RFPL1: variants seen among roughly 807,000 people sequenced by gnomAD.
The protein encoded by RFPL1 is ret finger protein like 1.
Under a neutral mutation model 9.6 loss-of-function variants are expected in RFPL1, and 6 were observed. That is an observed-to-expected ratio of 0.62 (90% CI 0.34 to 1.23). The LOEUF (loss-of-function observed/expected upper bound fraction) is 1.23, where lower values mean the gene tolerates loss of function less well. Ranked by LOEUF, RFPL1 falls within the 50% of genes most tolerant of loss-of-function variation. The probability of loss-of-function intolerance (pLI) is 0.03; values close to 1 mark genes in which losing one functional copy is unlikely to be tolerated. For missense variants in RFPL1, 352 were observed against 398.4 expected (o/e 0.88, Z 0.99); for synonymous variants, 145 against 149.4 (o/e 0.97, Z 0.22).
chr22:29,395,842 G>A, the RFPL1 span, among the ~76,000 whole-genome samples: 1 of 152,164 alleles, frequency 6.6e-6, no homozygotes, highest in South Asian at 2.1e-4. Context: ...GGATGGTGGT[G>A]AGTGCCTGTA....
chr22:29,414,197 T>C, the RFPL1 span, among the ~76,000 whole-genome samples: 1 of 148,204 alleles, frequency 6.7e-6, no homozygotes, highest in Non-Finnish European at 1.5e-5. Context: ...ACAAGAATTT[T>C]CCATATAACA....
At chr22:29,409,130 G>A in the RFPL1 span, among the ~76,000 whole-genome samples, 1,763 of 151,812 alleles carry the variant, frequency 0.012, 39 homozygotes, top group African/African-American at 0.041. Flanking sequence ...CCCATTTAAA[G>A]TACGTGATTC....
At chr22:29,433,152 G>A in the RFPL1 span, among the ~76,000 whole-genome samples, 2 of 151,912 alleles carry the variant, frequency 1.3e-5, no homozygotes, top group South Asian at 4.2e-4. Context: ...AATTAGCCGG[G>A]TGCTGTGGCA....
At chr22:29,410,418 G>GATATATATATCTACA in the RFPL1 span, among the ~76,000 whole-genome samples, 1 of 76,016 alleles carries the variant, frequency 1.3e-5, no homozygotes, top group African/African-American at 5.6e-5. Context: ...TATATATATA[G>GATATATATATCTACA]ATATATATAT....
intron 1 of RFPL1, 153 bp downstream of exon 1, chr22:29,439,317 T>A: frequency 8.6e-7 from 1 of 1,165,826 alleles, no homozygotes; most frequent in South Asian, 1.5e-5. Flanking sequence ...CCTGACAACA[T>A]ACAGAATCAC....
At chr22:29,405,176 T>C in the RFPL1 span, among the ~76,000 whole-genome samples, 5 of 152,164 alleles carry the variant, frequency 3.3e-5, no homozygotes, top group African/African-American at 1.2e-4. Flanking sequence ...TAGGCAAGTC[T>C]GAGAACTGAG....
At chr22:29,424,423 C>T in the RFPL1 span, among the ~76,000 whole-genome samples, 1 of 152,042 alleles carries the variant, frequency 6.6e-6, no homozygotes, top group Admixed American at 6.6e-5. Context: ...ACCCACATTA[C>T]CTCATTTAAT....
chr22:29,431,081 A>G, the RFPL1 span, among the ~76,000 whole-genome samples: 1 of 152,150 alleles, frequency 6.6e-6, no homozygotes, highest in African/African-American at 2.4e-5. Flanking sequence ...AGGCTCTTGT[A>G]ATAAAAACCC....
chr22:29,437,260 CT>C (rs1336370522), upstream of RFPL1: 4 of 172,982 alleles, frequency 2.3e-5, no homozygotes, highest in Admixed American at 2.4e-4. Flanking sequence ...ATGCATGCCC[CT>C]ATTACCTTTG....
At chr22:29,416,812 T>A in the RFPL1 span, among the ~76,000 whole-genome samples, 2 of 152,162 alleles carry the variant, frequency 1.3e-5, no homozygotes, top group African/African-American at 4.8e-5. Flanking sequence ...ATACTGAGGT[T>A]CATAAATGTC....
the RFPL1 span, among the ~76,000 whole-genome samples, chr22:29,402,494 T>C: frequency 1.3e-5 from 2 of 152,204 alleles, no homozygotes; most frequent in Non-Finnish European, 2.9e-5. Context: ...GTCCCTATTT[T>C]ATAGACAAGG....
chr22:29,408,817 T>C, the RFPL1 span, among the ~76,000 whole-genome samples: 1 of 152,106 alleles, frequency 6.6e-6, no homozygotes, highest in Non-Finnish European at 1.5e-5. Flanking sequence ...CCTTGAAAAA[T>C]AATTTTGTAT....
At chr22:29,439,287 T>A in intron 1 of RFPL1, 123 bp downstream of exon 1, 1 of 1,333,354 alleles carries the variant, frequency 7.5e-7, no homozygotes, top group Non-Finnish European at 1.0e-6. Flanking sequence ...GAGATGCTTC[T>A]TCATCATCAG....
the RFPL1 span, among the ~76,000 whole-genome samples, chr22:29,401,769 C>T: frequency 6.6e-6 from 1 of 152,232 alleles, no homozygotes; most frequent in African/African-American, 2.4e-5. Flanking sequence ...AGAGACTCTT[C>T]ACCCCTGTGT....
At chr22:29,389,079 G>C in the RFPL1 span, among the ~76,000 whole-genome samples, 1 of 152,094 alleles carries the variant, frequency 6.6e-6, no homozygotes, top group African/African-American at 2.4e-5. Flanking sequence ...TTTGTAGAGA[G>C]AGTCTCACTT....
the RFPL1 span, among the ~76,000 whole-genome samples, chr22:29,389,371 G>T: frequency 6.6e-6 from 1 of 151,772 alleles, no homozygotes; most frequent in Non-Finnish European, 1.5e-5. Flanking sequence ...CTGGGCGACA[G>T]ATCCAGACCC....
At chr22:29,409,019 T>C in the RFPL1 span, among the ~76,000 whole-genome samples, 1 of 152,028 alleles carries the variant, frequency 6.6e-6, no homozygotes, top group Non-Finnish European at 1.5e-5. Flanking sequence ...TTTTTTTTTC[T>C]CTTATTGCAG....
At chr22:29,391,034 C>T in the RFPL1 span, among the ~76,000 whole-genome samples, 2 of 151,618 alleles carry the variant, frequency 1.3e-5, no homozygotes, top group Non-Finnish European at 2.9e-5. Context: ...CCCAGCTACT[C>T]AGGAGGCTGA....
At chr22:29,441,187 C>A in intron 1 of RFPL1, 1 of 277,544 alleles carries the variant, frequency 3.6e-6, no homozygotes, top group Non-Finnish European at 6.8e-6. Context: ...TTAACATCGA[C>A]CATTTGCATT....
Sources: allele counts gnomAD v4.1 joint callset (sites outside exome capture counted in the v4.1 genomes callset), GRCh38; gene constraint gnomAD v4.1.1; transcripts MANE v1.5; gene names NCBI Gene and HGNC (gene_info 2026-07-23, HGNC 2026-07-21).